The following GPC6 variants were observed in gnomAD, a reference collection of about 807,000 sequenced individuals.
GPC6 encodes glypican 6.
A neutral mutation model predicts 55.2 loss-of-function variants in GPC6; 14 were observed. The observed-to-expected ratio is 0.25, with a 90% CI of 0.17 to 0.40. The LOEUF (loss-of-function observed/expected upper bound fraction) is 0.40, where lower values mean the gene tolerates loss of function less well. Ranked by LOEUF, GPC6 falls within the 10% of genes least tolerant of loss-of-function variation. The probability of loss-of-function intolerance (pLI) is 1.00; values close to 1 mark genes in which losing one functional copy is unlikely to be tolerated. For synonymous variants in GPC6, 278 were observed against 259.6 expected, an observed-to-expected ratio of 1.07 and a Z score of -0.68; for missense variants, 641 against 708.5, an observed-to-expected ratio of 0.90 and a Z score of 1.08.
chr13:93,678,626 C>G (rs1204632063), intron 2 of GPC6, among the ~76,000 whole-genome samples: 7 of 152,110 alleles, frequency 4.6e-5, no homozygotes, highest in African/African-American at 1.7e-4. Flanking sequence ...GAGCTCTTTT[C>G]TCTTACAGAC....
At chr13:93,941,143 G>A (rs1034156846) in intron 3 of GPC6, among the ~76,000 whole-genome samples, 5 of 152,066 alleles carry the variant, frequency 3.3e-5, no homozygotes, top group South Asian at 2.1e-4. Context: ...GAACCCATGA[G>A]TATTTAAGAC....
intron 6 of GPC6, among the ~76,000 whole-genome samples, chr13:94,357,312 T>C (rs916891257): frequency 6.6e-6 from 1 of 152,074 alleles, no homozygotes; most frequent in African/African-American, 2.4e-5. Flanking sequence ...CTCCATCTGA[T>C]TGGGAGCCCC....
intron 2 of GPC6, among the ~76,000 whole-genome samples, chr13:93,603,673 C>T (rs1203977651): frequency 1.3e-5 from 2 of 152,156 alleles, no homozygotes; most frequent in African/African-American, 4.8e-5. Context: ...AATATTTTAT[C>T]CCATTAATTT....
At chr13:94,270,819 C>A (rs9301948) in intron 4 of GPC6, among the ~76,000 whole-genome samples, 3 of 152,094 alleles carry the variant, frequency 2.0e-5, no homozygotes, top group African/African-American at 7.3e-5. Context: ...ATGGGAAGTT[C>A]TGAAAGAGTC....
chr13:93,705,594 A>G (rs917698915), intron 2 of GPC6, among the ~76,000 whole-genome samples: 4 of 151,840 alleles, frequency 2.6e-5, no homozygotes, highest in Non-Finnish European at 5.9e-5. Context: ...AGCTGTGAGC[A>G]TTTTGCAAGA....
intron 4 of GPC6, among the ~76,000 whole-genome samples, chr13:94,126,318 G>A (rs1050247516): frequency 6.6e-6 from 1 of 152,170 alleles, no homozygotes; most frequent in South Asian, 2.1e-4. Context: ...AGGAGTTTGA[G>A]GCTGCAGTGA....
intron 2 of GPC6, among the ~76,000 whole-genome samples, chr13:93,687,445 A>G (rs1379663594): frequency 1.3e-5 from 2 of 152,034 alleles, no homozygotes. Flanking sequence ...AGCACTTAAG[A>G]CTTGTAAGGA....
chr13:93,804,796 C>G (rs1886491741), intron 2 of GPC6, among the ~76,000 whole-genome samples: 2 of 152,250 alleles, frequency 1.3e-5, no homozygotes. Context: ...TATCTGAACT[C>G]CAGTCCAGTT....
At chr13:93,569,637 AAGTTATCTTCATAACTT>A (rs1428736525) in intron 2 of GPC6, among the ~76,000 whole-genome samples, 3 of 152,098 alleles carry the variant, frequency 2.0e-5, no homozygotes, top group African/African-American at 7.2e-5. Context: ...TAAGAAAACT[AAGTTATCTTCATAACTT>A]AGTTATCTTA....
rs1167531951 is a variant in GPC6 at position 94,224,220 on chromosome 13, TACAG to T, written c.878-62123_878-62120del. 3.4e-5 allele frequency among the ~76,000 whole-genome samples: 5 copies of T among 148,582 alleles called. No homozygotes were observed. The Admixed American group carries it at 3.4e-4, about 10-fold the overall frequency. On this transcript the variant is annotated intron_variant, in intron 4 of 8. Coordinates refer to ENST00000377047, the MANE Select transcript of GPC6 (RefSeq NM_005708.5). ...GACTGAGTTCAGTTGGAATGAATTA[TACAG>T]ACAGAGTCTTTATTTTTGTATATCA...
chr13:93,626,211 C>T lies in GPC6; in HGVS notation c.319+80790C>T, dbSNP rs74111512. ...ACACATCCTAAAGCAGGGCCAGCTA[C>T]ATGACTTGCCTGACTCAATACAAAA... On this transcript the variant is annotated intron_variant, in intron 2 of 8. Transcript: ENST00000377047. 2.8e-3 allele frequency among the ~76,000 whole-genome samples: 424 copies of T among 152,278 alleles called. 3 individuals carry two copies. The highest frequency in any genetic ancestry group is 9.5e-3 in the African/African-American group (394 of 41,552).
chr13:93,626,068 GT>G (rs1879189015), intron 2 of GPC6, among the ~76,000 whole-genome samples: 2 of 152,220 alleles, frequency 1.3e-5, no homozygotes, highest in African/African-American at 4.8e-5. Context: ...AGAAGTTTGA[GT>G]TTGCTTATGC....
intron 4 of GPC6, among the ~76,000 whole-genome samples, chr13:94,067,869 G>A (rs1884586866): frequency 6.6e-6 from 1 of 152,124 alleles, no homozygotes; most frequent in Admixed American, 6.6e-5. Flanking sequence ...AAAAGATAAG[G>A]ATACTAATGA....
intron 4 of GPC6, among the ~76,000 whole-genome samples, chr13:94,240,890 G>A (rs1891036796): frequency 6.6e-6 from 1 of 152,108 alleles, no homozygotes; most frequent in African/African-American, 2.4e-5. Context: ...ATTGCACAAG[G>A]GAAGGACTTG....
Position 94,077,106 on chromosome 13 carries a change from T to C in GPC6, c.877+49212T>C, listed in dbSNP as rs546512395. On this transcript the variant is annotated intron_variant, in intron 4 of 8. Coordinates refer to ENST00000377047, the MANE Select transcript of GPC6 (RefSeq NM_005708.5). Reference sequence around the variant, plus strand: ...AGAACAGTAACAGTATTAAGTTTGCTAATCAATGAACACGGGATATTTTTC... The same window carrying C: ...AGAACAGTAACAGTATTAAGTTTGCCAATCAATGAACACGGGATATTTTTC... 2.6e-3 allele frequency among the ~76,000 whole-genome samples: 389 copies of C among 151,934 alleles called. 1 individual carries two copies. Among genetic ancestry groups the C allele is most frequent in the African/African-American group, 9.0e-3 (375 of 41,550 alleles).
Position 93,405,552 on chromosome 13 carries a change from A to G in GPC6, c.161-139711A>G, listed in dbSNP as rs147130950. 7.0e-3 allele frequency among the ~76,000 whole-genome samples: 1,069 copies of G among 152,262 alleles called. 15 individuals are homozygous for G. Among genetic ancestry groups the G allele is most frequent in the African/African-American group, 0.02 (821 of 41,556 alleles). ...TGCTTTTATCATTTTGTCCGTGCACACTGGGGTGCATTTCCTTGAATGGAA... is the reference window on the plus strand; with the variant it reads ...TGCTTTTATCATTTTGTCCGTGCACGCTGGGGTGCATTTCCTTGAATGGAA... On this transcript the variant is annotated intron_variant, in intron 1 of 8. Transcript: ENST00000377047.
At chr13:93,965,622 G>C (rs186114124) in intron 3 of GPC6, among the ~76,000 whole-genome samples, 1 of 152,200 alleles carries the variant, frequency 6.6e-6, no homozygotes, top group East Asian at 1.9e-4. Flanking sequence ...TGGTCACCAA[G>C]AGGTAAACTG....
chr13:94,274,477 A>C (rs1892141405), intron 4 of GPC6, among the ~76,000 whole-genome samples: 1 of 152,082 alleles, frequency 6.6e-6, no homozygotes, highest in African/African-American at 2.4e-5. Context: ...TCCATTTTCT[A>C]TTGTTTACCT....
intron 6 of GPC6, among the ~76,000 whole-genome samples, chr13:94,365,917 T>C (rs556621709): frequency 2.0e-5 from 3 of 152,322 alleles, no homozygotes; most frequent in Non-Finnish European, 2.9e-5. Context: ...CACCAAACTG[T>C]TGGAATTAAA....
Sources: gnomAD v4.1 joint callset for allele counts (sites outside exome capture counted in the v4.1 genomes callset) on GRCh38, gnomAD v4.1.1 for gene constraint, MANE v1.5 for transcripts, NCBI Gene and HGNC (gene_info 2026-07-23, HGNC 2026-07-21) for gene names.